HTRA1: variants seen among roughly 807,000 people sequenced by gnomAD.
HTRA1 encodes the protein serine protease HTRA1.
Under a neutral mutation model 49.7 loss-of-function variants are expected in HTRA1, and 26 were observed. The ratio of observed to expected loss-of-function variants is 0.52; its 90% CI spans 0.38 to 0.73. The LOEUF is 0.73. HTRA1 is among the 30% of genes least tolerant of loss of function. The pLI is 0.00. For synonymous variants in HTRA1, 291 were observed against 286.9 expected (o/e 1.01, Z -0.14); for missense variants, 561 against 667.2 (o/e 0.84, Z 1.75).
intron 3 of HTRA1, among the ~76,000 whole-genome samples, chr10:122,496,535 G>A (rs2097498826): frequency 6.6e-6 from 1 of 151,990 alleles, no homozygotes; most frequent in South Asian, 2.1e-4. Flanking sequence ...AAAGCCATGG[G>A]GCTTAAGATC....
At chr10:122,501,470 C>G (rs1303052131) in intron 3 of HTRA1, among the ~76,000 whole-genome samples, 1 of 152,128 alleles carries the variant, frequency 6.6e-6, no homozygotes, top group East Asian at 1.9e-4. Context: ...TATTGGGATC[C>G]TCTCTTAAAA....
At position 122,461,734 on chromosome 10, in the gene HTRA1, G is replaced by A. The variant is rs1427951910; in HGVS notation, c.82G>A (p.Gly28Ser). 4 of 1,169,196 alleles carry A rather than the reference G, an allele frequency of 3.4e-6. No homozygotes were observed. Among genetic ancestry groups the A allele is most frequent in the Non-Finnish European group, 3.2e-6 (3 of 938,636 alleles). The allele number at this position is 1,169,196 out of a possible 1,614,324, so 72.4% of individuals were successfully genotyped here. ...APASAQLSRAGRSAPLAAGCP... is the reference protein window; with the variant it reads ...APASAQLSRASRSAPLAAGCP... The stretch of plus-strand genomic sequence containing the variant: ...CGCCTCGGCGCAGCTGTCCCGGGCC[G>A]GCCGCTCGGCGCCTTTGGCCGCCGG... The change falls in exon 1 of 9, where the codon GGC becomes AGC. Residue 28 changes from glycine (G) to serine (S), a missense_variant. This residue lies in a region of HTRA1 where 111 missense variants were observed against 83.7 expected (regional missense o/e 1.33). Coordinates refer to ENST00000368984, the MANE Select transcript of HTRA1 (RefSeq NM_002775.5).
rs575818799 is a variant in HTRA1 at position 122,494,387 on chromosome 10, T to C, written c.777+4761T>C. Reference sequence around the variant, plus strand: ...GCTCCTGCATCGAGCTTCCCTCCTATATTCAATGAGGAAATGACCCTGCAG... The same window carrying C: ...GCTCCTGCATCGAGCTTCCCTCCTACATTCAATGAGGAAATGACCCTGCAG... On this transcript the variant is annotated intron_variant, in intron 3 of 8. Coordinates refer to ENST00000368984, the MANE Select transcript of HTRA1 (RefSeq NM_002775.5). This position sits in a 1 kb window ranked among gnomAD's most constrained non-coding sequence, Gnocchi z 4.0. Among the ~76,000 whole-genome samples, 1 of 152,144 alleles carries C rather than the reference T, an allele frequency of 6.6e-6. No homozygotes were observed. Among genetic ancestry groups the C allele is most frequent in the Non-Finnish European group, 1.5e-5 (1 of 68,030 alleles).
chr10:122,485,668 T>G (rs565205374), intron 1 of HTRA1, among the ~76,000 whole-genome samples: 15 of 152,316 alleles, frequency 9.8e-5, no homozygotes, highest in African/African-American at 3.4e-4. Flanking sequence ...TATGTGACTG[T>G]GTGAGAAGGG....
chr10:122,482,000 A>C (rs899272064), intron 1 of HTRA1, among the ~76,000 whole-genome samples: 20 of 152,162 alleles, frequency 1.3e-4, no homozygotes, highest in Non-Finnish European at 1.5e-5. Flanking sequence ...CTTTATCAGC[A>C]GTGTGAAAAT....
chr10:122,461,629 ACCGCCG>A lies in HTRA1; in HGVS notation c.-15_-10del. 7.8e-7 allele frequency: 1 copy of A among 1,279,620 alleles called. No individual in the cohort carries two copies. The highest frequency in any genetic ancestry group is 1.4e-5 in the South Asian group (1 of 72,530). 79.3% of individuals were successfully genotyped at this position (1,279,620 alleles called of 1,614,324 possible). A position where few individuals can be genotyped will look rare whatever the true frequency, so the allele number is the denominator to read the frequency against. On this transcript the variant is annotated 5_prime_UTR_variant, in exon 1 of 9. Coordinates refer to ENST00000368984, the MANE Select transcript of HTRA1 (RefSeq NM_002775.5). ...TCCGGCCCTCGCCCTGTCCGCCGCC[ACCGCCG>A]CCGCCGCCAGAGTCGCCATGCAGAT...
At position 122,487,696 on chromosome 10, in the gene HTRA1, A is replaced by G. The variant is rs2097493670; in HGVS notation, c.473-1206A>G. 6.6e-6 allele frequency among the ~76,000 whole-genome samples: 1 copy of G among 152,086 alleles called. No individual in the cohort carries two copies. Among genetic ancestry groups the G allele is most frequent in the African/African-American group, 2.4e-5 (1 of 41,388 alleles). On this transcript the variant is annotated intron_variant, in intron 1 of 8. Coordinates refer to ENST00000368984, the MANE Select transcript of HTRA1 (RefSeq NM_002775.5). This position sits in a 1 kb window ranked among gnomAD's most constrained non-coding sequence, Gnocchi z 4.8. Reference sequence around the variant, plus strand: ...GAATGTTACAGAGTGTGCCTACGCAAACCTAGATGGCAGAGCCCACTCCAC... The same window carrying G: ...GAATGTTACAGAGTGTGCCTACGCAGACCTAGATGGCAGAGCCCACTCCAC...
intron 1 of HTRA1, among the ~76,000 whole-genome samples, chr10:122,470,509 G>A (rs1204505600): frequency 1.3e-5 from 2 of 152,028 alleles, no homozygotes; most frequent in South Asian, 2.1e-4. Context: ...AAGCATTAAA[G>A]TCCAATGATA....
chr10:122,491,896 A>G (rs987413919), intron 3 of HTRA1, among the ~76,000 whole-genome samples: 10 of 152,232 alleles, frequency 6.6e-5, no homozygotes. Flanking sequence ...ACTGGTTTCC[A>G]CTGACTAAAC....
chr10:122,473,169 G>A (rs2097486895), intron 1 of HTRA1, among the ~76,000 whole-genome samples: 1 of 152,208 alleles, frequency 6.6e-6, no homozygotes, highest in African/African-American at 2.4e-5. Context: ...TTTAAAACTT[G>A]GTTCTACCTG....
intron 1 of HTRA1, among the ~76,000 whole-genome samples, chr10:122,486,884 G>C (rs1355527908): frequency 6.6e-6 from 1 of 152,082 alleles, no homozygotes; most frequent in African/African-American, 2.4e-5. Flanking sequence ...GTGTGTAAAT[G>C]TGGGTGTATG....
Position 122,464,226 on chromosome 10 carries a change from C to G in HTRA1, c.472+2102C>G, listed in dbSNP as rs1369020695. Among the ~76,000 whole-genome samples the G allele has an allele frequency of 1.3e-5, 2 of 152,162 alleles. No individual in the cohort carries two copies. Among genetic ancestry groups the G allele is most frequent in the East Asian group, 3.9e-4 (2 of 5,182 alleles). ...GGGGTCCTGAGTTGCTGGCACCATG[C>G]GAGCCGCCTAATTTATTGCTAGTGA... On this transcript the variant is annotated intron_variant, in intron 1 of 8. Transcript: ENST00000368984. The surrounding 1 kb of genome is among the most constrained non-coding windows in gnomAD (Gnocchi z 4.8).
Position 122,471,045 on chromosome 10 carries a change from G to A in HTRA1, c.472+8921G>A, listed in dbSNP as rs570897408. Among the ~76,000 whole-genome samples the A allele has an allele frequency of 1.6e-4, 24 of 152,214 alleles. No homozygotes were observed. The South Asian group carries it at 1.7e-3, about 11-fold the overall frequency. On this transcript the variant is annotated intron_variant, in intron 1 of 8. Coordinates refer to ENST00000368984, the MANE Select transcript of HTRA1 (RefSeq NM_002775.5). ...CAATCATTATACCAAGCAAACAGCC[G>A]TCTCTGCCTGCACCGTGGAGAGCAC...
intron 1 of HTRA1, among the ~76,000 whole-genome samples, chr10:122,469,295 C>T (rs1363320124): frequency 1.3e-5 from 2 of 152,124 alleles, no homozygotes; most frequent in African/African-American, 4.8e-5. Flanking sequence ...AGATTTTACC[C>T]GATCTTCCAA....
intron 1 of HTRA1, 122 bp from the exon 2 acceptor site, chr10:122,488,780 C>T (rs2097494305): frequency 2.4e-6 from 2 of 844,066 alleles, no homozygotes; most frequent in South Asian, 2.7e-5. Flanking sequence ...GGGAATTGCG[C>T]TCACTCCGCC....
intron 3 of HTRA1, among the ~76,000 whole-genome samples, chr10:122,495,425 A>G (rs533501545): frequency 2.0e-5 from 3 of 152,138 alleles, no homozygotes; most frequent in Non-Finnish European, 2.9e-5. Context: ...TTCATGAGGG[A>G]ATGTGAAGCC....
chr10:122,467,771 C>T (rs1052489496), intron 1 of HTRA1, among the ~76,000 whole-genome samples: 19 of 151,252 alleles, frequency 1.3e-4, no homozygotes, highest in African/African-American at 7.3e-5. Flanking sequence ...CCTTCTCTGC[C>T]GTTAAAAAAA....
chr10:122,514,422 A>T lies in HTRA1; in HGVS notation c.*63A>T, dbSNP rs1250973211. 2 of 1,527,984 alleles carry T rather than the reference A, an allele frequency of 1.3e-6. No individual in the cohort carries two copies. The highest frequency in any genetic ancestry group is 2.7e-5 in the African/African-American group (2 of 73,020). 94.7% of individuals were successfully genotyped at this position (1,527,984 alleles called of 1,614,324 possible). On this transcript the variant is annotated 3_prime_UTR_variant, in exon 9 of 9. Transcript: ENST00000368984. ...ACTCTCCCGTGGATGACGGATGAGG[A>T]CTCTGGGCTGCTGGAATAGGACACT...
Position 122,490,602 on chromosome 10 carries a change from C to T in HTRA1, c.777+976C>T, listed in dbSNP as rs2097495321. 6.6e-6 allele frequency among the ~76,000 whole-genome samples: 1 copy of T among 152,172 alleles called. No homozygotes were observed. The highest frequency in any genetic ancestry group is 6.5e-5 in the Admixed American group (1 of 15,278). The stretch of plus-strand genomic sequence containing the variant: ...GGAACAATCAGAGGAGGCTGGAATC[C>T]TGCCTCTGACCAAGGAAAAGACCAG... On this transcript the variant is annotated intron_variant, in intron 3 of 8. Coordinates refer to ENST00000368984, the MANE Select transcript of HTRA1 (RefSeq NM_002775.5). This position sits in a 1 kb window ranked among gnomAD's most constrained non-coding sequence, Gnocchi z 4.2.
Sources: gnomAD v4.1 joint callset for allele counts (sites outside exome capture counted in the v4.1 genomes callset) on GRCh38, gnomAD v4.1.1 for gene constraint, gnomAD v4.1.1 regional missense constraint, Gnocchi (gnomAD v3.1) non-coding constraint, MANE v1.5 for transcripts, NCBI Gene and HGNC (gene_info 2026-07-23, HGNC 2026-07-21) for gene names.